SORCS1: variants seen among roughly 807,000 people sequenced by gnomAD.
The protein encoded by SORCS1 is VPS10 domain-containing receptor SorCS1.
Under a neutral mutation model 146.1 loss-of-function variants are expected in SORCS1, and 60 were observed. The observed-to-expected ratio is 0.41, with a 90% CI of 0.33 to 0.51. The LOEUF (loss-of-function observed/expected upper bound fraction) is 0.51. Among genes scored for constraint, SORCS1 ranks in the 20% least tolerant of loss-of-function variants. The pLI is 0.21. For synonymous variants in SORCS1, 637 were observed against 584.0 expected, an observed-to-expected ratio of 1.09 and a Z score of -1.31; for missense variants, 1,352 against 1,487.6, an observed-to-expected ratio of 0.91 and a Z score of 1.50.
At chr10:107,002,468 G>C (rs970910386) in intron 1 of SORCS1, among the ~76,000 whole-genome samples, 6 of 152,126 alleles carry the variant, frequency 3.9e-5, no homozygotes, top group Non-Finnish European at 7.3e-5. Flanking sequence ...TAGATGCCTT[G>C]TCTCTCTCAC....
At chr10:106,790,093 A>C (rs1349711144) in intron 3 of SORCS1, among the ~76,000 whole-genome samples, 1 of 152,232 alleles carries the variant, frequency 6.6e-6, no homozygotes, top group Non-Finnish European at 1.5e-5. Context: ...TAACAATTCA[A>C]GATTAGATTT....
In SORCS1 at chr10:106,706,569, C is replaced by A. The variant is rs1288210942; in HGVS notation, c.1209G>T (p.Lys403Asn). The change falls in exon 8 of 26, where the codon AAG becomes AAT. Residue 403 changes from lysine to asparagine, a missense_variant. Transcript: ENST00000263054. ...CCTTGGGCAAAGCATATTTCGGAAG[C>A]TTCATTTGGGCAAATGCATTCCTTC... ...SYRRNAFAQMKLPKYALPKDM... is the reference protein window; with the variant it reads ...SYRRNAFAQMNLPKYALPKDM... The A allele has an allele frequency of 6.2e-7, 1 of 1,614,026 alleles. No individual in the cohort carries two copies. The highest frequency in any genetic ancestry group is 8.5e-7 in the Non-Finnish European group (1 of 1,180,002).
intron 1 of SORCS1, among the ~76,000 whole-genome samples, chr10:107,062,747 G>A (rs889741194): frequency 2.7e-5 from 4 of 149,016 alleles, no homozygotes; most frequent in East Asian, 1.9e-4. Context: ...TTCCTCTTAC[G>A]TCAGTATCTC....
chr10:106,942,003 G>T (rs1296471746), intron 2 of SORCS1, among the ~76,000 whole-genome samples: 1 of 152,312 alleles, frequency 6.6e-6, no homozygotes, highest in Middle Eastern at 3.4e-3. Context: ...GGGATGTGGG[G>T]GGAATTGACA....
intron 1 of SORCS1, among the ~76,000 whole-genome samples, chr10:107,000,604 T>G (rs956680400): frequency 2.3e-4 from 29 of 123,978 alleles, no homozygotes; most frequent in African/African-American, 1.0e-3. Context: ...GGACTCCATC[T>G]CAAAAAAAAA....
intron 1 of SORCS1, among the ~76,000 whole-genome samples, chr10:106,984,069 TAACA>T (rs1040123664): frequency 1.3e-5 from 2 of 152,212 alleles, no homozygotes; most frequent in Non-Finnish European, 2.9e-5. Context: ...TAATGGAAGT[TAACA>T]ATACACGTTA....
chr10:107,096,587 C>A (rs372249306), intron 1 of SORCS1, among the ~76,000 whole-genome samples: 2 of 152,286 alleles, frequency 1.3e-5, no homozygotes, highest in East Asian at 3.9e-4. Flanking sequence ...TCTTGGCTCA[C>A]TGCAAGCTCC....
At chr10:106,650,293 C>T (rs1026282647) in intron 18 of SORCS1, among the ~76,000 whole-genome samples, 1 of 152,152 alleles carries the variant, frequency 6.6e-6, no homozygotes, top group African/African-American at 2.4e-5. Context: ...GTACAGAGGG[C>T]TTGTTCTAAT....
intron 1 of SORCS1, among the ~76,000 whole-genome samples, chr10:106,984,394 ATT>A (rs34494927): frequency 8.2e-5 from 11 of 134,018 alleles, no homozygotes; most frequent in Admixed American, 1.5e-4. Flanking sequence ...AGTGATTTCC[ATT>A]TTTTTTTTTT....
chr10:106,970,905 A>ATTTTTTTTT (rs34657393), intron 1 of SORCS1, among the ~76,000 whole-genome samples: 1 of 96,488 alleles, frequency 1.0e-5, no homozygotes, highest in East Asian at 3.1e-4. Context: ...TGCACAGCTA[A>ATTTTTTTTT]TTTTTTTTTT....
rs1407949524 is a variant in SORCS1 at position 107,135,111 on chromosome 10, G to A, written c.558+28858C>T. On this transcript the variant is annotated intron_variant, in intron 1 of 25. Coordinates refer to ENST00000263054, the MANE Select transcript of SORCS1 (RefSeq NM_052918.5). ...TTCAAATAATCAAAAGGGGACTGTG[G>A]GAAAGAACAAATACATGGGTAATTA... is the stretch of plus-strand genomic sequence containing the variant. Among the ~76,000 whole-genome samples the A allele has an allele frequency of 6.6e-5, 10 of 152,196 alleles. No individual in the cohort carries two copies. The East Asian group carries it at 1.9e-3, about 29-fold the overall frequency.
the SORCS1 span, among the ~76,000 whole-genome samples, chr10:107,171,776 G>A: frequency 6.6e-6 from 1 of 152,102 alleles, no homozygotes; most frequent in Non-Finnish European, 1.5e-5. Flanking sequence ...GGAATTACAG[G>A]TGTAAGCCAC....
At chr10:106,645,140 A>AT (rs34874269) in intron 18 of SORCS1, among the ~76,000 whole-genome samples, 183 of 141,246 alleles carry the variant, frequency 1.3e-3, no homozygotes, top group South Asian at 0.011. Flanking sequence ...TATTATTAGC[A>AT]TTTTTTTTTT....
chr10:106,607,757 C>T (rs1455287087), intron 22 of SORCS1, among the ~76,000 whole-genome samples: 1 of 152,146 alleles, frequency 6.6e-6, no homozygotes, highest in Non-Finnish European at 1.5e-5. Context: ...GCCCCTCATG[C>T]CTTAGCCCTT....
At chr10:106,618,899 A>C (rs934006334) in intron 20 of SORCS1, among the ~76,000 whole-genome samples, 4 of 152,164 alleles carry the variant, frequency 2.6e-5, no homozygotes, top group Non-Finnish European at 5.9e-5. Flanking sequence ...AAAAAAGAAA[A>C]AAAAATTTGG....
At chr10:106,740,634 C>A (rs1026671227) in intron 5 of SORCS1, among the ~76,000 whole-genome samples, 26 of 151,964 alleles carry the variant, frequency 1.7e-4, no homozygotes, top group African/African-American at 4.8e-4. Flanking sequence ...GAAAAAAAAA[C>A]CCATTGTTCC....
chr10:106,826,847 C>T (rs1333624969), intron 3 of SORCS1, among the ~76,000 whole-genome samples: 1 of 152,172 alleles, frequency 6.6e-6, no homozygotes, highest in African/African-American at 2.4e-5. Context: ...GTAACAGTCC[C>T]AGAGAAAGCC....
chr10:106,974,920 T>A (rs149731593), intron 1 of SORCS1, among the ~76,000 whole-genome samples: 2 of 152,186 alleles, frequency 1.3e-5, no homozygotes, highest in Non-Finnish European at 2.9e-5. Context: ...ACTTTTTAAA[T>A]TGTCAATGCC....
chr10:106,727,369 A>T (rs1406605866), intron 6 of SORCS1, among the ~76,000 whole-genome samples: 1 of 152,158 alleles, frequency 6.6e-6, no homozygotes, highest in Non-Finnish European at 1.5e-5. Context: ...TTGACATGGG[A>T]TCTCACTATA....
Sources: gnomAD v4.1 joint callset for allele counts (sites outside exome capture counted in the v4.1 genomes callset) on GRCh38, gnomAD v4.1.1 for gene constraint, MANE v1.5 for transcripts, NCBI Gene and HGNC (gene_info 2026-07-23, HGNC 2026-07-21) for gene names.